Variants in NRG1 observed in about 807,000 individuals in gnomAD.
The protein encoded by NRG1 is neuregulin 1, also known as pro-neuregulin-1, membrane-bound isoform.
A neutral mutation model predicts 63.8 loss-of-function variants in NRG1; 18 were observed. The ratio of observed to expected loss-of-function variants is 0.28; its 90% CI spans 0.19 to 0.42. The LOEUF is 0.42. NRG1 is among the 10% of genes least tolerant of loss of function. The probability of loss-of-function intolerance (pLI) is 1.00; values close to 1 mark genes in which losing one functional copy is unlikely to be tolerated. For missense variants in NRG1, 762 were observed against 814.7 expected, an observed-to-expected ratio of 0.94 and a Z score of 0.79; for synonymous variants, 302 against 301.3, an observed-to-expected ratio of 1.00 and a Z score of -0.02.
At chr8:32,704,585 C>T (rs1250827073) in intron 5 of NRG1, among the ~76,000 whole-genome samples, 1 of 152,072 alleles carries the variant, frequency 6.6e-6, no homozygotes, top group Non-Finnish European at 1.5e-5. Context: ...CTTGGTTTCC[C>T]AAGAATCCTT....
intron 1 of NRG1, among the ~76,000 whole-genome samples, chr8:32,056,112 A>G (rs371853394): frequency 5.3e-5 from 8 of 152,264 alleles, no homozygotes; most frequent in South Asian, 4.2e-4. Context: ...CAAGTTATCA[A>G]TTTATAATGA....
At chr8:31,913,756 T>C (rs1699121) in intron 1 of NRG1, among the ~76,000 whole-genome samples, 101,497 of 152,050 alleles carry the variant, frequency 0.67, 34,286 homozygotes, top group East Asian at 0.92. Flanking sequence ...TAGCGCAGTT[T>C]GCATACTGAA....
chr8:32,748,398 TAAAG>T (rs1471586266), intron 7 of NRG1, among the ~76,000 whole-genome samples: 1 of 80,742 alleles, frequency 1.2e-5, no homozygotes, highest in Admixed American at 1.2e-4. Flanking sequence ...GAGAGAGAGA[TAAAG>T]GAAGTCCTAG....
chr8:31,838,086 G>A (rs370264526), intron 1 of NRG1, among the ~76,000 whole-genome samples: 4 of 151,932 alleles, frequency 2.6e-5, no homozygotes, highest in South Asian at 4.1e-4. Context: ...ACATTCCCAC[G>A]AGCAGTGTAT....
intron 1 of NRG1, among the ~76,000 whole-genome samples, chr8:32,003,706 G>A (rs1464467667): frequency 1.3e-5 from 2 of 151,618 alleles, no homozygotes; most frequent in East Asian, 3.9e-4. Context: ...CAAATTTGAG[G>A]GTTTCATAAA....
At chr8:32,369,035 C>T (rs934380052) in intron 1 of NRG1, among the ~76,000 whole-genome samples, 10 of 152,116 alleles carry the variant, frequency 6.6e-5, no homozygotes, top group Non-Finnish European at 1.5e-4. Context: ...CCTGCTTTTC[C>T]ATGTGTTATT....
At chr8:32,535,093 T>A (rs1438683214) in intron 1 of NRG1, among the ~76,000 whole-genome samples, 1 of 152,226 alleles carries the variant, frequency 6.6e-6, no homozygotes, top group Non-Finnish European at 1.5e-5. Context: ...TGCATAGCTA[T>A]AATTCTATTC....
At chr8:32,122,857 G>A (rs1246807076) in intron 1 of NRG1, among the ~76,000 whole-genome samples, 2 of 151,242 alleles carry the variant, frequency 1.3e-5, no homozygotes, top group African/African-American at 4.9e-5. Context: ...TCCCACCTGT[G>A]AGTGAGAACA....
intron 1 of NRG1, among the ~76,000 whole-genome samples, chr8:31,916,658 T>A (rs1833415840): frequency 6.6e-6 from 1 of 152,188 alleles, no homozygotes; most frequent in Non-Finnish European, 1.5e-5. Flanking sequence ...AGTGCTGCAA[T>A]AAACACATGT....
chr8:32,426,653 C>A (rs1461840486), intron 1 of NRG1, among the ~76,000 whole-genome samples: 2 of 152,170 alleles, frequency 1.3e-5, no homozygotes, highest in African/African-American at 4.8e-5. Context: ...ACACCACACC[C>A]TACACACACA....
At chr8:32,200,661 A>G (rs1843410373) in intron 1 of NRG1, among the ~76,000 whole-genome samples, 1 of 152,326 alleles carries the variant, frequency 6.6e-6, no homozygotes, top group Admixed American at 6.5e-5. Flanking sequence ...AGGGGATCAG[A>G]TAGAAAGCTG....
chr8:32,087,401 G>A (rs964472035), intron 1 of NRG1, among the ~76,000 whole-genome samples: 1 of 151,762 alleles, frequency 6.6e-6, no homozygotes, highest in Non-Finnish European at 1.5e-5. Context: ...TGGAGCCGTG[G>A]TGGTACAGCA....
chr8:32,731,407 C>CTTTTTT (rs10673810), intron 6 of NRG1, among the ~76,000 whole-genome samples: 1 of 146,542 alleles, frequency 6.8e-6, no homozygotes, highest in African/African-American at 2.5e-5. Context: ...GAAATTACAC[C>CTTTTTT]TTTTTTTTTT....
chr8:31,965,119 G>A (rs755515390), intron 1 of NRG1, among the ~76,000 whole-genome samples: 6 of 152,042 alleles, frequency 3.9e-5, no homozygotes, highest in Non-Finnish European at 5.9e-5. Flanking sequence ...AAGGAATTAC[G>A]AACATTGTAT....
chr8:32,371,661 A>T (rs932376005), intron 1 of NRG1, among the ~76,000 whole-genome samples: 5 of 152,214 alleles, frequency 3.3e-5, no homozygotes, highest in African/African-American at 1.2e-4. Context: ...AGAGGATGCT[A>T]ACATGGAACT....
chr8:32,508,609 T>C (rs1252013567), intron 1 of NRG1, among the ~76,000 whole-genome samples: 2 of 152,018 alleles, frequency 1.3e-5, no homozygotes, highest in African/African-American at 4.8e-5. Flanking sequence ...AGGGCTATTT[T>C]TTAAGTTGCA....
At chr8:31,977,396 T>C (rs1808366926) in intron 1 of NRG1, among the ~76,000 whole-genome samples, 1 of 152,102 alleles carries the variant, frequency 6.6e-6, no homozygotes, top group Admixed American at 6.6e-5. Flanking sequence ...ATATCTAGTC[T>C]GGGGCAACAT....
intron 1 of NRG1, among the ~76,000 whole-genome samples, chr8:32,078,811 C>T (rs542618839): frequency 6.6e-6 from 1 of 152,230 alleles, no homozygotes; most frequent in Admixed American, 6.5e-5. Context: ...AATTGTACTC[C>T]AGCTGCCCAA....
intron 1 of NRG1, among the ~76,000 whole-genome samples, chr8:32,062,338 T>G (rs534271256): frequency 6.6e-6 from 1 of 152,194 alleles, no homozygotes; most frequent in East Asian, 1.9e-4. Flanking sequence ...TGCTACTGAA[T>G]CAATAGGATC....
Sources: gnomAD v4.1 joint callset for allele counts (sites outside exome capture counted in the v4.1 genomes callset) on GRCh38, gnomAD v4.1.1 for gene constraint, MANE v1.5 for transcripts, NCBI Gene and HGNC (gene_info 2026-07-23, HGNC 2026-07-21) for gene names.